KIAA0040: variants seen among roughly 807,000 people sequenced by gnomAD.
The protein encoded by KIAA0040 is KIAA0040, also known as uncharacterized protein KIAA0040.
A neutral mutation model predicts 7.2 loss-of-function variants in KIAA0040; 10 were observed. The observed-to-expected ratio is 1.38, with a 90% CI of 0.85 to 2.34. KIAA0040 has a LOEUF of 2.34. KIAA0040 is among the 30% of genes most tolerant of loss of function. KIAA0040 has a pLI of 0.00. For missense variants in KIAA0040, 89 were observed against 108.2 expected (o/e 0.82, Z 0.79); for synonymous variants, 49 against 40.1 (o/e 1.22, Z -0.84).
intron 1 of KIAA0040, among the ~76,000 whole-genome samples, chr1:175,187,281 C>A (rs1390176887): frequency 6.6e-6 from 1 of 152,158 alleles, no homozygotes; most frequent in East Asian, 1.9e-4. Context: ...CTGTGGGAGC[C>A]AAGAAAGTTT....
At chr1:175,177,496 A>AT (rs1285758861) in intron 2 of KIAA0040, 115 bp downstream of exon 2, 1 of 152,116 alleles carries the variant, frequency 6.6e-6, no homozygotes, top group Non-Finnish European at 1.5e-5. Context: ...CTTTTACCTG[A>AT]TTTTACTTAT....
rs1436600828 is a variant in KIAA0040 at position 175,160,155 on chromosome 1, G to A, written c.*559C>T. On this transcript the variant is annotated 3_prime_UTR_variant, in exon 4 of 4. Transcript: ENST00000423313. ...GTTAGAAATAGGAAAGCATGCATCT[G>A]TAACCTGAGTGGTTTATGGAATAGA... is the stretch of plus-strand genomic sequence containing the variant. 1.3e-5 allele frequency: 2 copies of A among 154,784 alleles called. No homozygotes were observed. The highest frequency in any genetic ancestry group is 2.4e-5 in the African/African-American group (1 of 41,452). The allele number at this position is 154,784 out of a possible 1,614,324, so 9.6% of individuals were successfully genotyped here.
At chr1:175,180,835 C>A (rs967057528) in intron 1 of KIAA0040, among the ~76,000 whole-genome samples, 22 of 152,170 alleles carry the variant, frequency 1.4e-4, no homozygotes, top group Admixed American at 1.4e-3. Context: ...GTGTTTCTGA[C>A]TTCTTGGTGT....
intron 2 of KIAA0040, among the ~76,000 whole-genome samples, chr1:175,175,661 T>C (rs957338770): frequency 3.3e-5 from 5 of 152,060 alleles, no homozygotes; most frequent in Admixed American, 6.5e-5. Flanking sequence ...ATTAAGAAAA[T>C]GTGGCACATA....
chr1:175,181,368 C>T (rs1357769019), intron 1 of KIAA0040, among the ~76,000 whole-genome samples: 1 of 152,144 alleles, frequency 6.6e-6, no homozygotes, highest in African/African-American at 2.4e-5. Context: ...ACCATTGTGG[C>T]CAAGGAAGCC....
chr1:175,171,348 G>A (rs1038930268), intron 2 of KIAA0040, among the ~76,000 whole-genome samples: 1 of 152,150 alleles, frequency 6.6e-6, no homozygotes, highest in African/African-American at 2.4e-5. Context: ...AGCTCCATGA[G>A]AGCAGGGCCC....
Position 175,159,908 on chromosome 1 carries a change from T to C in KIAA0040, c.*806A>G, listed in dbSNP as rs1385654621. 5 of 152,826 alleles carry C rather than the reference T, an allele frequency of 3.3e-5. No individual in the cohort carries two copies. Among genetic ancestry groups the C allele is most frequent in the Admixed American group, 6.5e-5 (1 of 15,282 alleles). The allele number at this position is 152,826 out of a possible 1,614,324, so 9.5% of individuals were successfully genotyped here. A position where few individuals can be genotyped will look rare whatever the true frequency, so the allele number is the denominator to read the frequency against. ...TTCACAGAGAGGTCTTGGATCACAT[T>C]AAACACCTCTCAGTGGCAATGAGGA... On this transcript the variant is annotated 3_prime_UTR_variant, in exon 4 of 4. Transcript: ENST00000423313.
chr1:175,189,133 T>C (rs1173610379), intron 1 of KIAA0040, among the ~76,000 whole-genome samples: 1 of 152,228 alleles, frequency 6.6e-6, no homozygotes. Flanking sequence ...GGTTACTTCC[T>C]CTTTTTCATC....
chr1:175,177,260 T>C (rs1677240640), intron 2 of KIAA0040, among the ~76,000 whole-genome samples: 1 of 152,170 alleles, frequency 6.6e-6, no homozygotes, highest in Non-Finnish European at 1.5e-5. Flanking sequence ...CCTCAAAGTA[T>C]CAGGGTCTTG....
At chr1:175,180,340 T>C (rs1030613572) in intron 1 of KIAA0040, among the ~76,000 whole-genome samples, 3 of 152,236 alleles carry the variant, frequency 2.0e-5, no homozygotes, top group Admixed American at 6.5e-5. Context: ...AACATGTTTA[T>C]AGATGAAGAA....
rs1677748691 is a variant in KIAA0040, at chr1:175,188,471, C to T, written c.-384+4169G>A. ...CATGCTACTGTCTTTATCTCCCTTACTGTGTCTGTGACGAGTCTCCTGAAA... is the reference window on the plus strand; with the variant it reads ...CATGCTACTGTCTTTATCTCCCTTATTGTGTCTGTGACGAGTCTCCTGAAA... On this transcript the variant is annotated intron_variant, in intron 1 of 3. Transcript: ENST00000423313. Among the ~76,000 whole-genome samples, 2 of 152,214 alleles carry T rather than the reference C, an allele frequency of 1.3e-5. 1 individual carries two copies. Among genetic ancestry groups the T allele is most frequent in the South Asian group, 4.1e-4 (2 of 4,826 alleles).
rs561177549 is a variant in KIAA0040, at chr1:175,178,973, G to T, written c.-383-1289C>A. Among the ~76,000 whole-genome samples the T allele has an allele frequency of 6.7e-5, 10 of 149,750 alleles. No homozygotes were observed. The East Asian group carries it at 7.9e-4, about 12-fold the overall frequency. ...TTTATCAGAGTGGGGGACGGGGCGG[G>T]GGGGGGGATATCATGGAGGAGATAG... On this transcript the variant is annotated intron_variant, in intron 1 of 3. Coordinates refer to ENST00000423313, the MANE Select transcript of KIAA0040 (RefSeq NM_014656.3).
chr1:175,174,334 C>A (rs1331958659), intron 2 of KIAA0040, among the ~76,000 whole-genome samples: 1 of 152,178 alleles, frequency 6.6e-6, no homozygotes, highest in Non-Finnish European at 1.5e-5. Flanking sequence ...GGAATTAATG[C>A]ATATCAAAAT....
At chr1:175,164,341 C>G (rs1414393478) in intron 3 of KIAA0040, among the ~76,000 whole-genome samples, 1 of 152,226 alleles carries the variant, frequency 6.6e-6, no homozygotes, top group Non-Finnish European at 1.5e-5. Context: ...GATATGGTTT[C>G]TGACATCGGG....
chr1:175,164,613 G>A (rs1026091503), intron 3 of KIAA0040, among the ~76,000 whole-genome samples: 9 of 152,032 alleles, frequency 5.9e-5, no homozygotes, highest in Admixed American at 5.2e-4. Context: ...TTCTCTTCTG[G>A]ATTCCTAAAG....
chr1:175,162,388 C>A (rs1676580226), intron 3 of KIAA0040, among the ~76,000 whole-genome samples: 1 of 152,062 alleles, frequency 6.6e-6, no homozygotes. Flanking sequence ...AGAGACCCAC[C>A]CAGGCCACAC....
intron 3 of KIAA0040, among the ~76,000 whole-genome samples, chr1:175,164,569 T>C (rs1447945253): frequency 6.9e-6 from 1 of 144,306 alleles, no homozygotes; most frequent in Non-Finnish European, 1.5e-5. Flanking sequence ...TTTGAATAAA[T>C]AGATTTCTTT....
In KIAA0040 at chr1:175,159,758, G is replaced by C. The variant is rs963770714; in HGVS notation, c.*956C>G. The stretch of plus-strand genomic sequence containing the variant: ...CTTTCCATCTGTAAACATTGCACAG[G>C]TACACAGTTGCAGTCCACTGACATA... On this transcript the variant is annotated 3_prime_UTR_variant, in exon 4 of 4. Coordinates refer to ENST00000423313, the MANE Select transcript of KIAA0040 (RefSeq NM_014656.3). The C allele has an allele frequency of 2.6e-5, 4 of 152,178 alleles. No individual in the cohort carries two copies. Among genetic ancestry groups the C allele is most frequent in the Admixed American group, 6.5e-5 (1 of 15,280 alleles). 9.4% of individuals were successfully genotyped at this position (152,178 alleles called of 1,614,324 possible).
At chr1:175,164,908 G>A (rs1255488790) in intron 3 of KIAA0040, among the ~76,000 whole-genome samples, 7 of 152,228 alleles carry the variant, frequency 4.6e-5, no homozygotes, top group Middle Eastern at 3.4e-3. Context: ...GACACACTTC[G>A]GCCCCTGGAA....
Sources: allele counts gnomAD v4.1 joint callset (sites outside exome capture counted in the v4.1 genomes callset), GRCh38; gene constraint gnomAD v4.1.1; transcripts MANE v1.5; gene names NCBI Gene and HGNC (gene_info 2026-07-23, HGNC 2026-07-21).